The following THRB variants were observed in gnomAD, a reference collection of about 807,000 sequenced individuals.
THRB encodes nuclear receptor subfamily 1 group A member 2.
THRB carries 12 observed loss-of-function variants against 47.8 expected under a neutral mutation model. The ratio of observed to expected loss-of-function variants is 0.25; its 90% CI spans 0.16 to 0.41. THRB has a LOEUF of 0.41. THRB is among the 10% of genes least tolerant of loss of function. The probability of loss-of-function intolerance (pLI) is 1.00; values close to 1 mark genes in which losing one functional copy is unlikely to be tolerated. For synonymous variants in THRB, 218 were observed against 212.2 expected (o/e 1.03, Z -0.24); for missense variants, 348 against 589.2 (o/e 0.59, Z 4.24).
intron 2 of THRB, among the ~76,000 whole-genome samples, chr3:24,312,341 TTCA>T (rs1419519384): frequency 6.6e-6 from 1 of 152,224 alleles, no homozygotes; most frequent in Non-Finnish European, 1.5e-5. Context: ...TTTTATTTTT[TTCA>T]TCATCATAGC....
intron 1 of THRB, among the ~76,000 whole-genome samples, chr3:24,390,791 A>T (rs2066499750): frequency 1.5e-5 from 1 of 64,894 alleles, no homozygotes; most frequent in South Asian, 6.2e-4. Context: ...TTGTAAAAAA[A>T]AAAAAAATAT....
At chr3:24,159,688 T>C (rs2038461556) in intron 5 of THRB, among the ~76,000 whole-genome samples, 1 of 152,010 alleles carries the variant, frequency 6.6e-6, no homozygotes, top group Non-Finnish European at 1.5e-5. Context: ...CCAGGGGACA[T>C]TTGGCGAAGT....
At chr3:24,361,445 C>T (rs973044398) in intron 1 of THRB, among the ~76,000 whole-genome samples, 2 of 152,012 alleles carry the variant, frequency 1.3e-5, no homozygotes, top group Non-Finnish European at 2.9e-5. Flanking sequence ...TATGCAATGC[C>T]TAAATATGCC....
chr3:24,188,858 A>AATATATATATATATTATATATATATAT (rs2042954437), intron 5 of THRB, among the ~76,000 whole-genome samples: 4 of 94,342 alleles, frequency 4.2e-5, no homozygotes, highest in African/African-American at 2.5e-4. Flanking sequence ...GATCTCCTCA[A>AATATATATATATATTATATATATATAT]ATATATATAT....
chr3:24,175,414 G>A (rs1252925258), intron 5 of THRB, among the ~76,000 whole-genome samples: 1 of 152,116 alleles, frequency 6.6e-6, no homozygotes, highest in Non-Finnish European at 1.5e-5. Context: ...GAAGACCAAA[G>A]GCAAATCATA....
intron 3 of THRB, among the ~76,000 whole-genome samples, chr3:24,238,278 T>TGG (rs67450132): frequency 1.0e-4 from 3 of 30,008 alleles, no homozygotes; most frequent in Admixed American, 3.3e-4. Flanking sequence ...TGTGTGTGTG[T>TGG]GGGGGGGGGG....
At chr3:24,431,973 A>ACATATG (rs2070472257) in intron 1 of THRB, among the ~76,000 whole-genome samples, 1 of 152,128 alleles carries the variant, frequency 6.6e-6, no homozygotes, top group South Asian at 2.1e-4. Context: ...AGATATACGC[A>ACATATG]CATATGTAGT....
chr3:24,263,182 C>A (rs758609356), intron 3 of THRB, among the ~76,000 whole-genome samples: 7 of 152,168 alleles, frequency 4.6e-5, no homozygotes, highest in Non-Finnish European at 1.0e-4. Context: ...TTCTTCCAAT[C>A]CCACCTTGCC....
chr3:24,280,639 A>G (rs4597659), intron 3 of THRB, among the ~76,000 whole-genome samples: 110,627 of 152,000 alleles, frequency 0.73, 40,630 homozygotes, highest in Middle Eastern at 0.86. Context: ...AAATTACTCC[A>G]AGCTATGGGA....
chr3:24,288,317 G>A (rs992001057), intron 3 of THRB, among the ~76,000 whole-genome samples: 3 of 152,198 alleles, frequency 2.0e-5, no homozygotes, highest in African/African-American at 7.2e-5. Flanking sequence ...AACCAACATT[G>A]TGAGTTTTCC....
intron 5 of THRB, among the ~76,000 whole-genome samples, chr3:24,176,583 T>C (rs533965930): frequency 1.8e-4 from 28 of 152,282 alleles, no homozygotes; most frequent in Admixed American, 1.6e-3. Context: ...AGTCCTACAT[T>C]ATACTTGAAA....
At chr3:24,431,948 A>T (rs2070468231) in intron 1 of THRB, among the ~76,000 whole-genome samples, 1 of 152,124 alleles carries the variant, frequency 6.6e-6, no homozygotes, top group African/African-American at 2.4e-5. Context: ...AAATTTTAGA[A>T]TATATTGTTT....
chr3:24,323,372 C>A (rs1475760723), intron 2 of THRB, among the ~76,000 whole-genome samples: 5 of 152,110 alleles, frequency 3.3e-5, no homozygotes, highest in Admixed American at 2.0e-4. Context: ...TAGGGAGGAA[C>A]AACCATCATA....
At chr3:24,201,862 C>T (rs919279063) in intron 4 of THRB, among the ~76,000 whole-genome samples, 15 of 152,040 alleles carry the variant, frequency 9.9e-5, no homozygotes, top group Admixed American at 2.0e-4. Context: ...AGACAGCCAA[C>T]AAAATAATAA....
intron 1 of THRB, among the ~76,000 whole-genome samples, chr3:24,466,403 AC>A (rs1258008056): frequency 6.6e-6 from 1 of 152,012 alleles, no homozygotes; most frequent in Non-Finnish European, 1.5e-5. Flanking sequence ...CACTTGGGCT[AC>A]TCAAATTTCC....
intron 1 of THRB, among the ~76,000 whole-genome samples, chr3:24,428,618 A>G (rs1354172080): frequency 6.6e-6 from 1 of 152,036 alleles, no homozygotes; most frequent in Non-Finnish European, 1.5e-5. Flanking sequence ...AGCAGGAGCA[A>G]AAGATGAGCT....
chr3:24,307,134 T>C (rs775157415), intron 2 of THRB, among the ~76,000 whole-genome samples: 32 of 152,074 alleles, frequency 2.1e-4, no homozygotes, highest in Non-Finnish European at 4.1e-4. Flanking sequence ...TACTCACTGA[T>C]GTTGGCAAGC....
At chr3:24,464,173 G>A (rs1282700643) in intron 1 of THRB, among the ~76,000 whole-genome samples, 1 of 151,648 alleles carries the variant, frequency 6.6e-6, no homozygotes. Context: ...GTGAACCCGG[G>A]AGGCGGAGCC....
At chr3:24,199,454 T>A (rs962863151) in intron 4 of THRB, among the ~76,000 whole-genome samples, 2 of 152,224 alleles carry the variant, frequency 1.3e-5, no homozygotes, top group African/African-American at 4.8e-5. Context: ...AAGTTTGCTA[T>A]CACAGAGTGC....
Sources: gnomAD v4.1 joint callset for allele counts (sites outside exome capture counted in the v4.1 genomes callset) on GRCh38, gnomAD v4.1.1 for gene constraint, MANE v1.5 for transcripts, NCBI Gene and HGNC (gene_info 2026-07-23, HGNC 2026-07-21) for gene names.